Variants in RORA observed in about 807,000 individuals in gnomAD.
RORA encodes the protein RAR related orphan receptor A.
Under a neutral mutation model 69.5 loss-of-function variants are expected in RORA, and 7 were observed. The ratio of observed to expected loss-of-function variants is 0.10; its 90% CI spans 0.06 to 0.19. RORA has a LOEUF of 0.19. RORA is among the 10% of genes least tolerant of loss of function. RORA has a pLI of 1.00. For missense variants in RORA, 457 were observed against 663.0 expected (o/e 0.69, Z 3.41); for synonymous variants, 261 against 240.8 (o/e 1.08, Z -0.78).
At chr15:61,017,615 G>T (rs759434177) in intron 1 of RORA, among the ~76,000 whole-genome samples, 3 of 152,100 alleles carry the variant, frequency 2.0e-5, no homozygotes, top group Non-Finnish European at 4.4e-5. Context: ...ATATTTCAGC[G>T]TGGGGGAGGG....
At chr15:60,910,141 A>G (rs1438155782) in intron 1 of RORA, among the ~76,000 whole-genome samples, 1 of 152,212 alleles carries the variant, frequency 6.6e-6, no homozygotes, top group Non-Finnish European at 1.5e-5. Context: ...AGTCAGATCC[A>G]TGAGGCTAAA....
chr15:60,803,610 T>G (rs1274861108), intron 1 of RORA, among the ~76,000 whole-genome samples: 1 of 152,234 alleles, frequency 6.6e-6, no homozygotes, highest in Non-Finnish European at 1.5e-5. Context: ...GTTGGAGGCC[T>G]AGCGTTGCTG....
intron 1 of RORA, among the ~76,000 whole-genome samples, chr15:60,771,484 C>T (rs904908304): frequency 2.0e-5 from 3 of 152,182 alleles, no homozygotes; most frequent in African/African-American, 7.2e-5. Flanking sequence ...TCTTTGTGCA[C>T]TTTGCAGTGT....
chr15:60,518,587 G>A (rs1174605470), intron 3 of RORA, among the ~76,000 whole-genome samples: 1 of 152,196 alleles, frequency 6.6e-6, no homozygotes, highest in African/African-American at 2.4e-5. Flanking sequence ...TTCTTCATCA[G>A]GCCCTTACGC....
intron 1 of RORA, among the ~76,000 whole-genome samples, chr15:61,018,471 T>C (rs191566010): frequency 3.1e-4 from 47 of 152,302 alleles, no homozygotes; most frequent in South Asian, 1.0e-3. Flanking sequence ...CACTGGTCTC[T>C]AAATTGTGAG....
At chr15:60,608,030 C>T (rs185159428) in intron 2 of RORA, among the ~76,000 whole-genome samples, 267 of 152,284 alleles carry the variant, frequency 1.8e-3, no homozygotes, top group Admixed American at 7.0e-3. Flanking sequence ...GCAAAACGTC[C>T]GTGAAAACTA....
chr15:60,675,887 T>C (rs1290177670), intron 2 of RORA, among the ~76,000 whole-genome samples: 1 of 152,108 alleles, frequency 6.6e-6, no homozygotes, highest in Non-Finnish European at 1.5e-5. Flanking sequence ...AGTTGAACAA[T>C]CTCTCCGTGA....
intron 2 of RORA, among the ~76,000 whole-genome samples, chr15:60,559,495 C>G (rs2067471092): frequency 6.6e-6 from 1 of 152,190 alleles, no homozygotes; most frequent in Non-Finnish European, 1.5e-5. Flanking sequence ...AGTGCATTCA[C>G]TGTAGTGCTT....
At chr15:60,729,921 T>G (rs972098280) in intron 1 of RORA, among the ~76,000 whole-genome samples, 47 of 152,240 alleles carry the variant, frequency 3.1e-4, no homozygotes, top group African/African-American at 1.1e-3. Flanking sequence ...AATTGCTAGA[T>G]TCCTTCTTTT....
intron 2 of RORA, among the ~76,000 whole-genome samples, chr15:60,597,609 TA>T (rs2068720686): frequency 2.2e-5 from 1 of 45,154 alleles, no homozygotes; most frequent in Non-Finnish European, 3.9e-5. Context: ...TATATATATA[TA>T]TATATATACA....
chr15:60,966,658 A>C (rs1257564393), intron 1 of RORA, among the ~76,000 whole-genome samples: 1 of 152,126 alleles, frequency 6.6e-6, no homozygotes, highest in Non-Finnish European at 1.5e-5. Context: ...CTAGAGAACA[A>C]CCTGACCTTG....
intron 1 of RORA, among the ~76,000 whole-genome samples, chr15:60,750,441 A>G (rs1227139590): frequency 2.0e-5 from 3 of 152,262 alleles, no homozygotes; most frequent in Admixed American, 2.0e-4. Context: ...GCAGAGAAAG[A>G]ATCCCTTTTA....
At chr15:61,191,679 A>C (rs949291140) in intron 1 of RORA, among the ~76,000 whole-genome samples, 1 of 152,218 alleles carries the variant, frequency 6.6e-6, no homozygotes, top group Non-Finnish European at 1.5e-5. Context: ...CAATAAGAAC[A>C]GTAAAGTGGT....
intron 3 of RORA, chr15:60,530,326 C>T (rs1049621666): frequency 6.6e-6 from 1 of 152,212 alleles, no homozygotes. Flanking sequence ...GGGTCTCACT[C>T]CATTGCCCAG....
intron 1 of RORA, among the ~76,000 whole-genome samples, chr15:61,103,268 G>T (rs2078906215): frequency 6.6e-6 from 1 of 152,152 alleles, no homozygotes; most frequent in African/African-American, 2.4e-5. Context: ...GGCTGCTTTG[G>T]GGCAGGCAGG....
rs567156710 is a variant in RORA at position 60,937,941 on chromosome 15, G to A, written c.167-259255C>T. On this transcript the variant is annotated intron_variant, in intron 1 of 10. Transcript: ENST00000335670. The stretch of plus-strand genomic sequence containing the variant: ...TAGCTAATATTTCTTTTCTTTTTTT[G>A]CTTATGATGTGCCAGGAACCTCATG... Among the ~76,000 whole-genome samples the A allele has an allele frequency of 2.0e-5, 3 of 151,962 alleles. No homozygotes were observed. The East Asian group carries it at 5.8e-4, about 29-fold the overall frequency.
At chr15:61,102,913 G>C (rs999903562) in intron 1 of RORA, among the ~76,000 whole-genome samples, 29 of 151,890 alleles carry the variant, frequency 1.9e-4, no homozygotes, top group African/African-American at 7.0e-4. Context: ...AGAAACTCCA[G>C]TACTTTGTTT....
At chr15:60,822,616 G>A (rs1021576553) in intron 1 of RORA, among the ~76,000 whole-genome samples, 1 of 152,228 alleles carries the variant, frequency 6.6e-6, no homozygotes, top group African/African-American at 2.4e-5. Context: ...GCTGACTGTT[G>A]AGTGTGTGAA....
intron 1 of RORA, among the ~76,000 whole-genome samples, chr15:61,164,722 G>A (rs146829621): frequency 5.8e-4 from 88 of 152,108 alleles, no homozygotes; most frequent in African/African-American, 1.9e-3. Flanking sequence ...ACTATGTTCT[G>A]TACCAGATCT....
Sources: gnomAD v4.1 joint callset for allele counts (sites outside exome capture counted in the v4.1 genomes callset) on GRCh38, gnomAD v4.1.1 for gene constraint, MANE v1.5 for transcripts, NCBI Gene and HGNC (gene_info 2026-07-23, HGNC 2026-07-21) for gene names.